The following DYDC2 variants were observed in gnomAD, a reference collection of about 807,000 sequenced individuals.
DYDC2 encodes DPY30 domain-containing protein 2.
In DYDC2, 19 loss-of-function variants were observed where a neutral mutation model predicts 18.7. The ratio of observed to expected loss-of-function variants is 1.02; its 90% CI spans 0.71 to 1.49. DYDC2 has a LOEUF of 1.49. Among genes scored for constraint, DYDC2 ranks in the 40% most tolerant of loss-of-function variants. DYDC2 has a pLI of 0.00. For synonymous variants in DYDC2, 63 were observed against 67.6 expected, an observed-to-expected ratio of 0.93 and a Z score of 0.34; for missense variants, 179 against 205.1, an observed-to-expected ratio of 0.87 and a Z score of 0.78.
At chr10:80,352,428 A>T (rs1447672021), upstream of DYDC2, 4 of 1,535,690 alleles carry the variant, frequency 2.6e-6, no homozygotes, top group Admixed American at 9.0e-5. Flanking sequence ...TTTTCTTCTA[A>T]TTTCCTAGAA....
rs762611982 is a variant in DYDC2, at chr10:80,362,509, G to A, written c.66G>A (p.Ala22=). The A allele has an allele frequency of 8.1e-6, 13 of 1,614,044 alleles. No individual in the cohort carries two copies. Among genetic ancestry groups the A allele is most frequent in the African/African-American group, 5.3e-5 (4 of 74,938 alleles). Residue 22 remains alanine (A), a synonymous_variant, in exon 3 of 5, where the codon GCG becomes GCA. Coordinates refer to ENST00000256039, the MANE Select transcript of DYDC2 (RefSeq NM_032372.6). ...TGGCCCAGGCACTGGCAGAGGTGGCGAAGGTTCGGCCCAGTGACCCAATAG... is the reference window on the plus strand; with the variant it reads ...TGGCCCAGGCACTGGCAGAGGTGGCAAAGGTTCGGCCCAGTGACCCAATAG... The part of the protein sequence containing the change: ...NCLAQALAEV[A]KVRPSDPIEY...
chr10:80,359,803 C>T (rs371985864), intron 2 of DYDC2, among the ~76,000 whole-genome samples: 14 of 152,312 alleles, frequency 9.2e-5, no homozygotes, highest in Non-Finnish European at 1.0e-4. Flanking sequence ...CCACCAAGCC[C>T]GCGCCCACCC....
chr10:80,363,628 G>A lies in DYDC2; in HGVS notation c.270+555G>A, dbSNP rs149073822. 6.9e-3 allele frequency among the ~76,000 whole-genome samples: 1,041 copies of A among 151,592 alleles called. 8 individuals are homozygous for A. The highest frequency in any genetic ancestry group is 0.017 in the South Asian group (81 of 4,808). Reference sequence around the variant, plus strand: ...CTCCCAAAGTGCTGGGATTACAGGCGTGAGCCACCACGCCCAGCCAAAAAA... The same window carrying A: ...CTCCCAAAGTGCTGGGATTACAGGCATGAGCCACCACGCCCAGCCAAAAAA... On this transcript the variant is annotated intron_variant, in intron 4 of 4. Coordinates refer to ENST00000256039, the MANE Select transcript of DYDC2 (RefSeq NM_032372.6).
chr10:80,361,577 A>G (rs528396871), intron 2 of DYDC2, among the ~76,000 whole-genome samples: 4 of 152,222 alleles, frequency 2.6e-5, no homozygotes, highest in African/African-American at 9.6e-5. Flanking sequence ...CAGTTTTTTA[A>G]AACTCCATTA....
chr10:80,347,689 A>G (rs965422869), intron 1 of DYDC2, among the ~76,000 whole-genome samples: 1 of 152,160 alleles, frequency 6.6e-6, no homozygotes, highest in Non-Finnish European at 1.5e-5. Context: ...AGTTGTCCCA[A>G]CACCGTTCAT....
chr10:80,361,021 C>A (rs1271168559), intron 2 of DYDC2, among the ~76,000 whole-genome samples: 1 of 152,124 alleles, frequency 6.6e-6, no homozygotes, highest in Non-Finnish European at 1.5e-5. Flanking sequence ...GATCCTCCTG[C>A]CTCAGCCTCC....
chr10:80,362,643 G>A, intron 3 of DYDC2, 53 bp downstream of exon 3: 2 of 1,547,466 alleles, frequency 1.3e-6, no homozygotes, highest in Non-Finnish European at 1.7e-6. Flanking sequence ...AGAGTAATTT[G>A]AAAGCCAAGA....
At chr10:80,356,382 C>A (rs1843368604), upstream of DYDC2, 1 of 985,660 alleles carries the variant, frequency 1.0e-6, no homozygotes, top group Non-Finnish European at 1.2e-6. Flanking sequence ...AGCCAGCCAG[C>A]CAGCCAACTG....
At chr10:80,366,369 G>A (rs902580365) in intron 4 of DYDC2, among the ~76,000 whole-genome samples, 15 of 152,066 alleles carry the variant, frequency 9.9e-5, no homozygotes, top group Admixed American at 6.6e-5. Context: ...TTTTCCTCTA[G>A]ATTATGGTTC....
At chr10:80,349,471 C>T (rs1054938651) in intron 1 of DYDC2, among the ~76,000 whole-genome samples, 2 of 152,048 alleles carry the variant, frequency 1.3e-5, no homozygotes, top group Admixed American at 6.6e-5. Flanking sequence ...TACTATCTGA[C>T]AATGCATTCT....
chr10:80,366,003 G>A (rs1843823665), intron 4 of DYDC2, among the ~76,000 whole-genome samples: 1 of 134,818 alleles, frequency 7.4e-6, no homozygotes, highest in Non-Finnish European at 1.6e-5. Flanking sequence ...CACCATCTTT[G>A]TCATTTTGGG....
chr10:80,349,016 T>A (rs527937094), intron 1 of DYDC2, among the ~76,000 whole-genome samples: 1 of 152,232 alleles, frequency 6.6e-6, no homozygotes, highest in East Asian at 1.9e-4. Flanking sequence ...CTCAGTCTCC[T>A]GAGTAGCTGG....
intron 1 of DYDC2, among the ~76,000 whole-genome samples, chr10:80,357,583 C>T (rs990543985): frequency 1.3e-5 from 2 of 152,128 alleles, no homozygotes; most frequent in African/African-American, 4.8e-5. Flanking sequence ...CACAACTCTG[C>T]ACCTTTGCTC....
At chr10:80,358,104 C>A in intron 2 of DYDC2, 59 bp downstream of exon 2, 1 of 975,878 alleles carries the variant, frequency 1.0e-6, no homozygotes. Flanking sequence ...TGGCCAGGCG[C>A]GGTGGCTCAC....
intron 1 of DYDC2, among the ~76,000 whole-genome samples, chr10:80,349,717 G>A (rs960646517): frequency 3.3e-5 from 5 of 152,148 alleles, no homozygotes; most frequent in African/African-American, 1.2e-4. Context: ...ATAACAGTCA[G>A]ATTGATCAAA....
chr10:80,358,932 T>C (rs1843566694), intron 2 of DYDC2, among the ~76,000 whole-genome samples: 1 of 152,210 alleles, frequency 6.6e-6, no homozygotes, highest in Non-Finnish European at 1.5e-5. Flanking sequence ...GAAGTGAAGC[T>C]GCAGACCTTT....
At chr10:80,346,765 T>G (rs760619445) in intron 1 of DYDC2, among the ~76,000 whole-genome samples, 16 of 151,976 alleles carry the variant, frequency 1.1e-4, no homozygotes, top group Non-Finnish European at 2.1e-4. Flanking sequence ...CGGCCATGTC[T>G]CTTCCCTTTC....
At chr10:80,364,074 G>T (rs1426113873) in intron 4 of DYDC2, among the ~76,000 whole-genome samples, 3 of 152,114 alleles carry the variant, frequency 2.0e-5, no homozygotes, top group Non-Finnish European at 4.4e-5. Flanking sequence ...CATCTTTTTA[G>T]CTATGACTAT....
At chr10:80,349,851 C>G (rs1842882926) in intron 1 of DYDC2, among the ~76,000 whole-genome samples, 1 of 152,178 alleles carries the variant, frequency 6.6e-6, no homozygotes, top group Non-Finnish European at 1.5e-5. Context: ...CAAAACTAAG[C>G]TCTTACATAG....
Sources: gnomAD v4.1 joint callset for allele counts (sites outside exome capture counted in the v4.1 genomes callset) on GRCh38, gnomAD v4.1.1 for gene constraint, MANE v1.5 for transcripts, NCBI Gene and HGNC (gene_info 2026-07-23, HGNC 2026-07-21) for gene names.